GCH1: variants seen among roughly 807,000 people sequenced by gnomAD.
The protein encoded by GCH1 is GTP cyclohydrolase 1.
Under a neutral mutation model 25.9 loss-of-function variants are expected in GCH1, and 5 were observed. The ratio of observed to expected loss-of-function variants is 0.19; its 90% confidence interval spans 0.10 to 0.41. The LOEUF is 0.41. Among genes scored for constraint, GCH1 ranks in the 10% least tolerant of loss-of-function variants. The pLI is 1.00. For missense variants in GCH1, 261 were observed against 336.5 expected, an observed-to-expected ratio of 0.78 and a Z score of 1.75; for synonymous variants, 159 against 129.6, an observed-to-expected ratio of 1.23 and a Z score of -1.54.
rs779337121 is a variant in GCH1 at position 54,865,426 on chromosome 14, G to A, written c.354C>T (p.Asn118=). 46 of 1,524,146 alleles carry A rather than the reference G, an allele frequency of 3.0e-5. No individual in the cohort carries two copies. Among genetic ancestry groups the A allele is most frequent in the Middle Eastern group, 3.4e-4 (2 of 5,904 alleles). 94.4% of individuals were successfully genotyped at this position (1,524,146 alleles called of 1,614,324 possible). Residue 118 remains asparagine, a synonymous_variant, in exon 2 of 6, where the codon AAC becomes AAT. Coordinates refer to ENST00000491895, the MANE Select transcript of GCH1 (RefSeq NM_000161.3). ...GYQETISDVL[N]DAIFDEDHDE... ...CATGATCTTCATCAAATATAGCATC[G>A]TTTAGGACATCTGAAATCAGAGGCT...
intron 1 of GCH1, among the ~76,000 whole-genome samples, chr14:54,895,222 G>A (rs1566683850): frequency 6.6e-6 from 1 of 152,166 alleles, no homozygotes; most frequent in Non-Finnish European, 1.5e-5. Flanking sequence ...GCTGAGGTGG[G>A]GATATGACTC....
chr14:54,892,936 G>A (rs577564841), intron 1 of GCH1, among the ~76,000 whole-genome samples: 106 of 146,946 alleles, frequency 7.2e-4, no homozygotes, highest in African/African-American at 2.5e-3. Context: ...AAAATTAGCC[G>A]AGCATGGTGG....
At position 54,847,732 on chromosome 14, in the gene GCH1, C is replaced by G. The variant is rs191788137; in HGVS notation, c.510-602G>C. Among the ~76,000 whole-genome samples, 34 of 151,950 alleles carry G rather than the reference C, an allele frequency of 2.2e-4. 1 individual carries two copies. The highest frequency in any genetic ancestry group is 7.5e-4 in the African/African-American group (31 of 41,460). On this transcript the variant is annotated intron_variant, in intron 3 of 5. Coordinates refer to ENST00000491895, the MANE Select transcript of GCH1 (RefSeq NM_000161.3). ...GGGAACCCTTACTAATACAGAAGAC[C>G]ACCAACCACTGCAGAGTGGTGCTTC... is the stretch of plus-strand genomic sequence containing the variant.
intron 1 of GCH1, among the ~76,000 whole-genome samples, chr14:54,867,564 GGCAA>G (rs1310042212): frequency 7.7e-6 from 1 of 130,684 alleles, no homozygotes; most frequent in Non-Finnish European, 1.5e-5. Flanking sequence ...CTCTAGCCTG[GGCAA>G]GAGAGAACAA....
At chr14:54,847,623 G>A (rs2039662458) in intron 3 of GCH1, among the ~76,000 whole-genome samples, 1 of 151,932 alleles carries the variant, frequency 6.6e-6, no homozygotes, top group African/African-American at 2.4e-5. Context: ...AGCCTATTGT[G>A]GGACCCTGCG....
At chr14:54,869,099 C>T (rs1209381773) in intron 1 of GCH1, among the ~76,000 whole-genome samples, 3 of 151,896 alleles carry the variant, frequency 2.0e-5, no homozygotes, top group East Asian at 1.9e-4. Flanking sequence ...AGTGCAATGG[C>T]GTGGTCTCGG....
intron 1 of GCH1, among the ~76,000 whole-genome samples, chr14:54,892,374 G>T (rs2040434279): frequency 6.6e-6 from 1 of 152,164 alleles, no homozygotes; most frequent in African/African-American, 2.4e-5. Flanking sequence ...AATATAATAT[G>T]TGTTGAGAAT....
At chr14:54,860,601 C>T (rs60481635) in intron 2 of GCH1, among the ~76,000 whole-genome samples, 1,953 of 147,534 alleles carry the variant, frequency 0.013, 31 homozygotes, top group African/African-American at 0.045. Flanking sequence ...AGTACAGTGG[C>T]CCAGTCTTGG....
At chr14:54,859,902 TTA>T (rs1291144352) in intron 2 of GCH1, among the ~76,000 whole-genome samples, 166 bp from the exon 3 acceptor site, 1 of 152,210 alleles carries the variant, frequency 6.6e-6, no homozygotes, top group Non-Finnish European at 1.5e-5. Flanking sequence ...AATGAAACAT[TTA>T]TATATGTATT....
At chr14:54,851,057 C>G (rs911387030) in intron 3 of GCH1, among the ~76,000 whole-genome samples, 20 of 152,174 alleles carry the variant, frequency 1.3e-4, no homozygotes, top group Non-Finnish European at 2.4e-4. Flanking sequence ...TGGAACAGAA[C>G]AGAGCCCTCA....
intron 3 of GCH1, among the ~76,000 whole-genome samples, chr14:54,856,898 C>G (rs2039820546): frequency 6.6e-6 from 1 of 152,194 alleles, no homozygotes; most frequent in South Asian, 2.1e-4. Context: ...TTTCTTGTTA[C>G]TTAAGGCTTT....
chr14:54,856,790 T>C (rs1409982815), intron 3 of GCH1, among the ~76,000 whole-genome samples: 2 of 152,294 alleles, frequency 1.3e-5, no homozygotes, highest in African/African-American at 4.8e-5. Context: ...AATGAATACA[T>C]GTTCAATGGC....
rs45454691 is a variant in GCH1 at position 54,843,285 on chromosome 14, T to C, written c.*732A>G. On this transcript the variant is annotated 3_prime_UTR_variant, in exon 6 of 6. Coordinates refer to ENST00000491895, the MANE Select transcript of GCH1 (RefSeq NM_000161.3). ...AAGGCAAAAGTATCTACACTCTAAA[T>C]GATATTCTTATCAAGGCACAGAGAG... The C allele has an allele frequency of 0.11, 153,093 of 1,366,792 alleles. 9,468 individuals carry two copies. The highest frequency in any genetic ancestry group is 0.12 in the Non-Finnish European group (128,170 of 1,065,900). The allele number at this position is 1,366,792 out of a possible 1,614,324, so 84.7% of individuals were successfully genotyped here.
chr14:54,894,988 G>A (rs1405768367), intron 1 of GCH1, among the ~76,000 whole-genome samples: 1 of 152,142 alleles, frequency 6.6e-6, no homozygotes, highest in Admixed American at 6.6e-5. Flanking sequence ...ATAGTAAATA[G>A]TTTATGTTTT....
chr14:54,865,250 AT>A, intron 2 of GCH1, 76 bp downstream of exon 2: 1 of 724,304 alleles, frequency 1.4e-6, no homozygotes. Context: ...GCAGCTAAAA[AT>A]TTTAAATATA....
At chr14:54,853,707 C>G (rs1450922719) in intron 3 of GCH1, among the ~76,000 whole-genome samples, 1 of 151,982 alleles carries the variant, frequency 6.6e-6, no homozygotes. Flanking sequence ...AAGATTCTTA[C>G]AACTACATTA....
intron 1 of GCH1, among the ~76,000 whole-genome samples, chr14:54,881,264 AAGG>A (rs528147681): frequency 7.9e-5 from 12 of 152,270 alleles, no homozygotes; most frequent in Admixed American, 5.9e-4. Context: ...GGAGGAGGGC[AAGG>A]AGGAGTACAC....
chr14:54,859,422 CAGAGAA>C (rs2039861944), intron 3 of GCH1: 1 of 487,978 alleles, frequency 2.0e-6, no homozygotes, highest in South Asian at 2.1e-5. Flanking sequence ...GAAGGCTCTG[CAGAGAA>C]AGAGGTGGGC....
intron 1 of GCH1, among the ~76,000 whole-genome samples, chr14:54,897,001 CCA>C (rs2040495017): frequency 6.9e-6 from 1 of 145,516 alleles, no homozygotes; most frequent in African/African-American, 2.6e-5. Flanking sequence ...CCATTCTACT[CCA>C]CTTTTTGTTT....
Sources: gnomAD v4.1 joint callset for allele counts (sites outside exome capture counted in the v4.1 genomes callset) on GRCh38, gnomAD v4.1.1 for gene constraint, MANE v1.5 for transcripts, NCBI Gene and HGNC (gene_info 2026-07-23, HGNC 2026-07-21) for gene names.